Variants in RIMBP2 observed in about 807,000 individuals in gnomAD.
RIMBP2 encodes RIMS binding protein 2.
In RIMBP2, 48 loss-of-function variants were observed where a neutral mutation model predicts 118.6. The observed-to-expected ratio is 0.40, with a 90% CI of 0.32 to 0.51. The LOEUF is 0.51. RIMBP2 is among the 20% of genes least tolerant of loss of function. The pLI is 0.41. For missense variants in RIMBP2, 1,551 were observed against 1,768.3 expected, an observed-to-expected ratio of 0.88 and a Z score of 2.20; for synonymous variants, 762 against 742.9, an observed-to-expected ratio of 1.03 and a Z score of -0.42.
chr12:130,709,750 C>T lies in RIMBP2; in HGVS notation c.-352+6472G>A, dbSNP rs1008786136. 1.5e-4 allele frequency among the ~76,000 whole-genome samples: 23 copies of T among 151,984 alleles called. No individual in the cohort carries two copies. The South Asian group carries it at 3.9e-3, about 26-fold the overall frequency. On this transcript the variant is annotated intron_variant, in intron 1 of 22. Coordinates refer to ENST00000690449, the MANE Select transcript of RIMBP2 (RefSeq NM_001393629.1). The stretch of plus-strand genomic sequence containing the variant: ...CCCCCCCCCTTCCCACCCAACCCAG[C>T]GGCCCGTTCCTGACATTCCCATCGC...
At chr12:130,449,412 C>T (rs1313466569) in intron 9 of RIMBP2, among the ~76,000 whole-genome samples, 1 of 152,248 alleles carries the variant, frequency 6.6e-6, no homozygotes, top group Admixed American at 6.5e-5. Context: ...CTCATTACCT[C>T]TCAGCGAGCA....
chr12:130,557,549 T>C (rs2056467237), intron 2 of RIMBP2, among the ~76,000 whole-genome samples: 1 of 152,150 alleles, frequency 6.6e-6, no homozygotes, highest in South Asian at 2.1e-4. Context: ...CCCCAGGTGA[T>C]GCCTAGGCAG....
rs368643953 is a variant in RIMBP2, at chr12:130,442,386, G to T, written c.966C>A (p.Leu322=). The T allele has an allele frequency of 3.1e-6, 5 of 1,614,192 alleles. No individual in the cohort carries two copies. The Admixed American group carries it at 8.3e-5, about 27-fold the overall frequency. The change falls in exon 11 of 23, where the codon CTC becomes CTA. Residue 322 remains leucine (L), a synonymous_variant. Coordinates refer to ENST00000690449, the MANE Select transcript of RIMBP2 (RefSeq NM_001393629.1). The surrounding 1 kb of genome is among the most constrained non-coding windows in gnomAD (Gnocchi z 6.9). ...DIVPYPRKIT[L]IKQLAKSVIV... is the part of the protein sequence containing the mutation. The stretch of plus-strand genomic sequence containing the variant: ...TAACACTTTTGGCGAGTTGTTTGAT[G>T]AGGGTGATTTTTCTAGGGTAAGGCA...
chr12:130,479,069 G>T, intron 4 of RIMBP2, 53 bp from the exon 5 acceptor site: 2 of 1,458,754 alleles, frequency 1.4e-6, no homozygotes, highest in Non-Finnish European at 9.5e-7. Context: ...GCCCATGGGC[G>T]TGCATCCTAT....
chr12:130,614,185 C>A (rs2060755930), intron 2 of RIMBP2, among the ~76,000 whole-genome samples: 1 of 152,174 alleles, frequency 6.6e-6, no homozygotes, highest in Non-Finnish European at 1.5e-5. Context: ...CAGAAGAAAT[C>A]AATGCCATTG....
At chr12:130,543,308 A>G (rs1025597913) in intron 2 of RIMBP2, among the ~76,000 whole-genome samples, 1 of 152,216 alleles carries the variant, frequency 6.6e-6, no homozygotes, top group African/African-American at 2.4e-5. Context: ...TCATACACTG[A>G]TTAGCCATGT....
intron 2 of RIMBP2, among the ~76,000 whole-genome samples, chr12:130,575,571 G>C (rs371780834): frequency 8.3e-4 from 126 of 152,296 alleles, no homozygotes; most frequent in African/African-American, 1.9e-3. Flanking sequence ...GCCTGCAACT[G>C]TCGGGCCCTG....
Position 130,537,949 on chromosome 12 carries a change from T to C in RIMBP2, c.-216-20032A>G, listed in dbSNP as rs1230447077. 2.0e-5 allele frequency among the ~76,000 whole-genome samples: 3 copies of C among 152,190 alleles called. No homozygotes were observed. In the East Asian group the frequency reaches 5.8e-4, roughly 29 times the overall value. On this transcript the variant is annotated intron_variant, in intron 2 of 22. Transcript: ENST00000690449. ...CTTGCTCTTGCTGTCTCCCTCCAGA[T>C]GGAAGGATAGAATTGTCAACAAATT... is the stretch of plus-strand genomic sequence containing the variant.
intron 1 of RIMBP2, among the ~76,000 whole-genome samples, chr12:130,697,707 A>T (rs918753208): frequency 6.6e-6 from 1 of 152,214 alleles, no homozygotes; most frequent in South Asian, 2.1e-4. Context: ...CTGTGGTCCC[A>T]GCTACTCCAG....
At chr12:130,601,335 CAAAAAAAAA>C (rs35127958) in intron 2 of RIMBP2, among the ~76,000 whole-genome samples, 21 of 63,080 alleles carry the variant, frequency 3.3e-4, no homozygotes, top group African/African-American at 6.7e-4. Flanking sequence ...AGAGGGCAGG[CAAAAAAAAA>C]AAAAAAAAAA....
At chr12:130,615,665 A>G (rs2060886295) in intron 2 of RIMBP2, among the ~76,000 whole-genome samples, 1 of 152,092 alleles carries the variant, frequency 6.6e-6, no homozygotes, top group African/African-American at 2.4e-5. Flanking sequence ...CTGTGGGGAT[A>G]CAGGTGTTTG....
chr12:130,590,992 G>A (rs767299994), intron 2 of RIMBP2, among the ~76,000 whole-genome samples: 8 of 152,216 alleles, frequency 5.3e-5, no homozygotes, highest in Non-Finnish European at 8.8e-5. Context: ...ATCCAACAAC[G>A]AGAGCAACGC....
chr12:130,442,731 C>T lies in RIMBP2; in HGVS notation c.692-71G>A. On this transcript the variant is annotated intron_variant, in intron 10 of 22. Coordinates refer to ENST00000690449, the MANE Select transcript of RIMBP2 (RefSeq NM_001393629.1). This position sits in a 1 kb window ranked among gnomAD's most constrained non-coding sequence, Gnocchi z 6.9. Reference sequence around the variant, plus strand: ...GGCCTCGAGGCCCCCAGTGTACTCCCACCTCCCCCACCAGGACCATAAGGC... The same window carrying T: ...GGCCTCGAGGCCCCCAGTGTACTCCTACCTCCCCCACCAGGACCATAAGGC... 1 of 1,274,582 alleles carries T rather than the reference C, an allele frequency of 7.8e-7. No homozygotes were observed. The highest frequency in any genetic ancestry group is 1.4e-5 in the South Asian group (1 of 70,882). 79.0% of individuals were successfully genotyped at this position (1,274,582 alleles called of 1,614,324 possible). A position where few individuals can be genotyped will look rare whatever the true frequency, so the allele number is the denominator to read the frequency against.
At chr12:130,568,339 C>T (rs1438393989) in intron 2 of RIMBP2, among the ~76,000 whole-genome samples, 1 of 152,192 alleles carries the variant, frequency 6.6e-6, no homozygotes, top group African/African-American at 2.4e-5. Flanking sequence ...CAACTAACTC[C>T]TCTGCCTCCT....
intron 17 of RIMBP2, among the ~76,000 whole-genome samples, chr12:130,415,383 G>A (rs1215896141): frequency 1.3e-5 from 2 of 152,120 alleles, no homozygotes; most frequent in African/African-American, 2.4e-5. Context: ...CAACAATCTA[G>A]GCATTGAAAG....
At chr12:130,693,285 G>T (rs2065418189) in intron 1 of RIMBP2, among the ~76,000 whole-genome samples, 1 of 152,316 alleles carries the variant, frequency 6.6e-6, no homozygotes, top group Admixed American at 6.5e-5. Context: ...GTGAAGAAAA[G>T]GCACAGGGCC....
At chr12:130,655,877 G>T (rs141916861) in intron 1 of RIMBP2, among the ~76,000 whole-genome samples, 1 of 152,224 alleles carries the variant, frequency 6.6e-6, no homozygotes, top group Non-Finnish European at 1.5e-5. Context: ...GAATGTGGGC[G>T]GAGGCACCAC....
intron 4 of RIMBP2, among the ~76,000 whole-genome samples, chr12:130,496,396 T>C (rs2049159429): frequency 6.6e-6 from 1 of 152,152 alleles, no homozygotes; most frequent in Non-Finnish European, 1.5e-5. Flanking sequence ...CTCTTTCCTG[T>C]ATAAATTACC....
intron 6 of RIMBP2, chr12:130,465,866 C>T (rs927826288): frequency 6.6e-6 from 1 of 152,296 alleles, no homozygotes; most frequent in East Asian, 1.9e-4. Flanking sequence ...GGACCAGGGT[C>T]GCTGTCCCCT....
Sources: allele counts gnomAD v4.1 joint callset (sites outside exome capture counted in the v4.1 genomes callset), GRCh38; gene constraint gnomAD v4.1.1; non-coding constraint Gnocchi (gnomAD v3.1); transcripts MANE v1.5; gene names NCBI Gene and HGNC (gene_info 2026-07-23, HGNC 2026-07-21).